The following MYO5B variants were observed in gnomAD, a reference collection of about 807,000 sequenced individuals.
The protein encoded by MYO5B is myosin VB, also known as unconventional myosin-Vb.
MYO5B carries 143 observed loss-of-function variants against 229.3 expected under a neutral mutation model. That is an observed-to-expected ratio of 0.62 (90% CI 0.54 to 0.72). MYO5B has a LOEUF of 0.72. Among genes scored for constraint, MYO5B ranks in the 30% least tolerant of loss-of-function variants. The probability of loss-of-function intolerance (pLI) is 0.00; values close to 1 mark genes in which losing one functional copy is unlikely to be tolerated. For synonymous variants in MYO5B, 918 were observed against 885.2 expected (o/e 1.04, Z -0.66); for missense variants, 2,321 against 2,331.0 (o/e 1.00, Z 0.09).
intron 1 of MYO5B, among the ~76,000 whole-genome samples, chr18:50,112,259 T>G (rs2031877860): frequency 6.6e-6 from 1 of 152,212 alleles, no homozygotes; most frequent in East Asian, 1.9e-4. Flanking sequence ...GGGCTACATC[T>G]AGGAATCCAT....
At chr18:49,932,463 T>C (rs745437403) in intron 16 of MYO5B, among the ~76,000 whole-genome samples, 19 of 152,162 alleles carry the variant, frequency 1.2e-4, no homozygotes, top group Non-Finnish European at 2.6e-4. Flanking sequence ...CCACACCTGT[T>C]CTGTCCTCCT....
At chr18:50,137,988 G>A (rs866452044) in intron 1 of MYO5B, among the ~76,000 whole-genome samples, 5 of 152,180 alleles carry the variant, frequency 3.3e-5, no homozygotes, top group Admixed American at 6.5e-5. Flanking sequence ...GAGGGTGGAC[G>A]ATGGGAGAAG....
intron 1 of MYO5B, among the ~76,000 whole-genome samples, chr18:50,182,874 T>C (rs1242796861): frequency 2.0e-5 from 3 of 152,086 alleles, no homozygotes; most frequent in African/African-American, 7.2e-5. Flanking sequence ...TTTAAACCAA[T>C]TCAATGATAT....
intron 22 of MYO5B, among the ~76,000 whole-genome samples, chr18:49,892,720 A>G (rs1320351942): frequency 6.6e-6 from 1 of 152,192 alleles, no homozygotes; most frequent in African/African-American, 2.4e-5. Flanking sequence ...CCTACCTCCA[A>G]CCACCACAAC....
chr18:50,055,241 GC>G (rs769256976), intron 2 of MYO5B, 26 bp downstream of exon 2: 6 of 237,492 alleles, frequency 2.5e-5, no homozygotes, highest in African/African-American at 2.1e-4. Context: ...CCTCACCCCC[GC>G]CCCCCTGCCC....
rs183194416 is a variant in MYO5B at position 50,117,764 on chromosome 18, G to C, written c.28-62386C>G. Among the ~76,000 whole-genome samples, 5 of 152,208 alleles carry C rather than the reference G, an allele frequency of 3.3e-5. No homozygotes were observed. In the East Asian group the frequency reaches 9.7e-4, roughly 29 times the overall value. The stretch of plus-strand genomic sequence containing the variant: ...TCGGCTCACAAATGGGAGTGATTTT[G>C]TTGCTAAAAACATCCCTCCTCTCTC... On this transcript the variant is annotated intron_variant, in intron 1 of 39. Coordinates refer to ENST00000285039, the MANE Select transcript of MYO5B (RefSeq NM_001080467.3).
chr18:49,838,341 C>A (rs919589560), intron 36 of MYO5B, among the ~76,000 whole-genome samples: 1 of 152,160 alleles, frequency 6.6e-6, no homozygotes, highest in Non-Finnish European at 1.5e-5. Flanking sequence ...AGGATTTAAA[C>A]CCAAGTCTGT....
At chr18:49,897,955 T>A (rs1008083167) in intron 21 of MYO5B, among the ~76,000 whole-genome samples, 4 of 152,342 alleles carry the variant, frequency 2.6e-5, no homozygotes, top group African/African-American at 9.6e-5. Flanking sequence ...GTGTGCCATC[T>A]TTTACACCAT....
intron 1 of MYO5B, among the ~76,000 whole-genome samples, chr18:50,177,112 A>C (rs1010147200): frequency 1.4e-4 from 22 of 152,080 alleles, no homozygotes; most frequent in African/African-American, 5.3e-4. Context: ...CAATTATATA[A>C]ATCAGGATAA....
rs528029263 is a variant in MYO5B at position 50,076,130 on chromosome 18, T to C, written c.28-20752A>G. 5.3e-5 allele frequency among the ~76,000 whole-genome samples: 8 copies of C among 152,304 alleles called. No homozygotes were observed. In the East Asian group the frequency reaches 1.5e-3, roughly 29 times the overall value. On this transcript the variant is annotated intron_variant, in intron 1 of 39. Coordinates refer to ENST00000285039, the MANE Select transcript of MYO5B (RefSeq NM_001080467.3). The stretch of plus-strand genomic sequence containing the variant: ...ACAAGAAAGAAGGGTTGGCAAGATA[T>C]TTCCTTTTTCTTCTTTTTAATTGCA...
At chr18:49,900,074 G>GC (rs1555641441) in intron 21 of MYO5B, among the ~76,000 whole-genome samples, 2 of 152,212 alleles carry the variant, frequency 1.3e-5, no homozygotes, top group Non-Finnish European at 1.5e-5. Context: ...GGAAAGCAAG[G>GC]CCTGGGGGAG....
At chr18:49,906,726 G>T in intron 18 of MYO5B, 96 bp from the exon 19 acceptor site, 1 of 1,128,460 alleles carries the variant, frequency 8.9e-7, no homozygotes, top group South Asian at 1.4e-5. Context: ...GAATCCCCTG[G>T]CCAGACTTCA....
At chr18:49,976,518 T>A (rs1280875476) in intron 9 of MYO5B, among the ~76,000 whole-genome samples, 1 of 152,242 alleles carries the variant, frequency 6.6e-6, no homozygotes, top group African/African-American at 2.4e-5. Context: ...ATACACCATG[T>A]AGCACCAAGA....
chr18:50,053,015 G>C (rs1055916452), intron 2 of MYO5B, among the ~76,000 whole-genome samples: 7 of 152,156 alleles, frequency 4.6e-5, no homozygotes, highest in Admixed American at 4.6e-4. Flanking sequence ...GAGGCTGCTG[G>C]GGCAGATTTT....
chr18:50,061,871 C>G (rs2030694792), intron 1 of MYO5B, among the ~76,000 whole-genome samples: 1 of 152,208 alleles, frequency 6.6e-6, no homozygotes, highest in Non-Finnish European at 1.5e-5. Flanking sequence ...TCCCCTCCTA[C>G]TAACATAAGT....
intron 5 of MYO5B, among the ~76,000 whole-genome samples, chr18:49,996,995 T>G (rs1020833881): frequency 3.9e-5 from 6 of 152,182 alleles, no homozygotes; most frequent in Non-Finnish European, 7.3e-5. Context: ...GCGTGAACAC[T>G]TAGCCAGGCA....
At chr18:49,893,300 C>G (rs1393484501) in intron 22 of MYO5B, among the ~76,000 whole-genome samples, 2 of 152,128 alleles carry the variant, frequency 1.3e-5, no homozygotes, top group African/African-American at 4.8e-5. Context: ...TGTTTTTTCT[C>G]CCAGGGTCAC....
chr18:49,846,295 G>A (rs73436355), intron 33 of MYO5B, among the ~76,000 whole-genome samples: 5 of 152,304 alleles, frequency 3.3e-5, no homozygotes, highest in African/African-American at 1.2e-4. Flanking sequence ...AATTGAGGAG[G>A]CCTGGCACGG....
intron 4 of MYO5B, among the ~76,000 whole-genome samples, chr18:50,028,508 G>C (rs547851102): frequency 1.3e-5 from 2 of 152,174 alleles, no homozygotes; most frequent in South Asian, 4.1e-4. Context: ...GGAGGCTTGG[G>C]CCAGAGTGGG....
Sources: gnomAD v4.1 joint callset for allele counts (sites outside exome capture counted in the v4.1 genomes callset) on GRCh38, gnomAD v4.1.1 for gene constraint, MANE v1.5 for transcripts, NCBI Gene and HGNC (gene_info 2026-07-23, HGNC 2026-07-21) for gene names.